The following GXYLT1 variants were observed in gnomAD, a reference collection of about 807,000 sequenced individuals.
GXYLT1 encodes glycosyltransferase 8 domain containing 3.
In GXYLT1, 29 loss-of-function variants were observed where a neutral mutation model predicts 54.0. The observed-to-expected ratio is 0.54, with a 90% CI of 0.40 to 0.73. The LOEUF (loss-of-function observed/expected upper bound fraction) is 0.73. Ranked by LOEUF, GXYLT1 falls within the 30% of genes least tolerant of loss-of-function variation. GXYLT1 has a pLI of 0.00. For missense variants in GXYLT1, 490 were observed against 553.4 expected (o/e 0.89, Z 1.15); for synonymous variants, 176 against 204.1 (o/e 0.86, Z 1.17).
In GXYLT1 at chr12:42,097,620, T is replaced by C. The variant is rs1322321535; in HGVS notation, c.989-6A>G. On this transcript the variant is annotated splice_region_variant and splice_polypyrimidine_tract_variant and intron_variant, in intron 6 of 7. Coordinates refer to ENST00000398675, the MANE Select transcript of GXYLT1 (RefSeq NM_173601.2). ...CGGAAAAACAAAAAGGCTTTCTACA[T>C]AAAGAAAAGACCAAACAATGAAGCA... 1.2e-6 allele frequency: 2 copies of C among 1,602,132 alleles called. No individual in the cohort carries two copies. The highest frequency in any genetic ancestry group is 2.2e-5 in the East Asian group (1 of 44,568).
intron 3 of GXYLT1, among the ~76,000 whole-genome samples, chr12:42,116,160 C>T (rs995640314): frequency 6.6e-6 from 1 of 151,734 alleles, no homozygotes; most frequent in South Asian, 2.1e-4. Flanking sequence ...CATGTTAGAC[C>T]TAAAACCATA....
chr12:42,096,188 T>C (rs2065354714), intron 7 of GXYLT1, among the ~76,000 whole-genome samples: 1 of 152,162 alleles, frequency 6.6e-6, no homozygotes, highest in East Asian at 1.9e-4. Flanking sequence ...TTATACTTCC[T>C]AGCTCTGCCA....
In GXYLT1 at chr12:42,144,752, C is replaced by T; in HGVS notation, c.-106G>A. ...CCGCGGGCGCAACAAGTTCCTCACC[C>T]GCAGCCGCCGCCGCCGCCTTGCGCC... On this transcript the variant is annotated 5_prime_UTR_variant, in exon 1 of 8. Coordinates refer to ENST00000398675, the MANE Select transcript of GXYLT1 (RefSeq NM_173601.2). The T allele has an allele frequency of 1.3e-6, 1 of 793,406 alleles. No individual in the cohort carries two copies. 49.1% of individuals were successfully genotyped at this position (793,406 alleles called of 1,614,324 possible). A position where few individuals can be genotyped will look rare whatever the true frequency, so the allele number is the denominator to read the frequency against.
chr12:42,118,514 C>A (rs2065510445), intron 3 of GXYLT1, among the ~76,000 whole-genome samples: 1 of 152,326 alleles, frequency 6.6e-6, no homozygotes, highest in Non-Finnish European at 1.5e-5. Flanking sequence ...GGAGCACTCC[C>A]CACTTACAAG....
rs1327090119 is a variant in GXYLT1, at chr12:42,122,037, T to C, written c.315-2866A>G. 5.3e-5 allele frequency among the ~76,000 whole-genome samples: 8 copies of C among 152,176 alleles called. No homozygotes were observed. The East Asian group carries it at 5.8e-4, about 11-fold the overall frequency. On this transcript the variant is annotated intron_variant, in intron 2 of 7. Coordinates refer to ENST00000398675, the MANE Select transcript of GXYLT1 (RefSeq NM_173601.2). ...GTCATTCAAATAATGTTGGCCCCAA[T>C]TGAATGGCGGAATCTTGCCAGGGTC...
Position 42,082,203 on chromosome 12 carries a change from C to A in GXYLT1, c.*5583G>T, listed in dbSNP as rs552939919. The stretch of plus-strand genomic sequence containing the variant: ...ATGATTGAGAAAATTGAAATACCTG[C>A]AACCTTTTCCAGTTTGACTTCAGGA... On this transcript the variant is annotated 3_prime_UTR_variant, in exon 8 of 8. Transcript: ENST00000398675. 75 of 152,290 alleles carry A rather than the reference C, an allele frequency of 4.9e-4. 1 individual carries two copies. Among genetic ancestry groups the A allele is most frequent in the African/African-American group, 1.7e-3 (70 of 41,564 alleles). 9.4% of individuals were successfully genotyped at this position (152,290 alleles called of 1,614,324 possible).
rs190424704 is a variant in GXYLT1 at position 42,142,507 on chromosome 12, T to C, written c.221+1919A>G. 4.8e-5 allele frequency among the ~76,000 whole-genome samples: 7 copies of C among 146,694 alleles called. No homozygotes were observed. In the East Asian group the frequency reaches 1.4e-3, roughly 29 times the overall value. ...GTGAAACACCACATTCAGTTAATTT[T>C]TTTTTAATTTTTTTATTTTTTGTAA... is the stretch of plus-strand genomic sequence containing the variant. On this transcript the variant is annotated intron_variant, in intron 1 of 7. Transcript: ENST00000398675.
intron 2 of GXYLT1, among the ~76,000 whole-genome samples, chr12:42,127,364 G>GTAA (rs972276698): frequency 3.3e-5 from 5 of 149,790 alleles, no homozygotes; most frequent in Admixed American, 3.3e-4. Flanking sequence ...TTTTTTAAAT[G>GTAA]TAATAGCATG....
chr12:42,097,811 A>G, intron 6 of GXYLT1, 99 bp downstream of exon 6: 1 of 1,063,624 alleles, frequency 9.4e-7, no homozygotes, highest in Non-Finnish European at 1.4e-6. Context: ...AGCAATAATC[A>G]TTAATATAAG....
At chr12:42,134,169 C>T (rs2065607284) in intron 1 of GXYLT1, among the ~76,000 whole-genome samples, 1 of 151,480 alleles carries the variant, frequency 6.6e-6, no homozygotes, top group African/African-American at 2.4e-5. Context: ...CAATGCACAC[C>T]AGGTCTGGGC....
At chr12:42,119,222 A>G (rs563149540) in intron 2 of GXYLT1, 51 bp from the exon 3 acceptor site, 6 of 1,400,388 alleles carry the variant, frequency 4.3e-6, no homozygotes, top group African/African-American at 1.5e-5. Context: ...TATGTTTACA[A>G]TGTGTACTTT....
chr12:42,143,745 T>C (rs1264799979), intron 1 of GXYLT1, among the ~76,000 whole-genome samples: 1 of 152,228 alleles, frequency 6.6e-6, no homozygotes, highest in Non-Finnish European at 1.5e-5. Context: ...TCCTAAGTCA[T>C]TACGTCGCTT....
At chr12:42,119,338 C>A (rs965540546) in intron 2 of GXYLT1, among the ~76,000 whole-genome samples, 167 bp from the exon 3 acceptor site, 1 of 151,956 alleles carries the variant, frequency 6.6e-6, no homozygotes, top group Admixed American at 6.6e-5. Flanking sequence ...ACCAAGAGTT[C>A]AATGCTGCAG....
At chr12:42,117,969 A>G (rs2065507107) in intron 3 of GXYLT1, among the ~76,000 whole-genome samples, 1 of 152,208 alleles carries the variant, frequency 6.6e-6, no homozygotes, top group Admixed American at 6.5e-5. Context: ...ATATGGGTGC[A>G]ATGGTTGGAG....
chr12:42,137,977 T>C (rs963940956), intron 1 of GXYLT1, among the ~76,000 whole-genome samples: 7 of 152,032 alleles, frequency 4.6e-5, no homozygotes, highest in Non-Finnish European at 1.0e-4. Context: ...TTCAACTAAA[T>C]TGTTTCCAAG....
intron 2 of GXYLT1, among the ~76,000 whole-genome samples, chr12:42,121,755 A>G (rs1349859215): frequency 6.6e-6 from 1 of 151,892 alleles, no homozygotes; most frequent in Non-Finnish European, 1.5e-5. Context: ...CCTTTCACCA[A>G]TTTCTACAGG....
At chr12:42,132,624 C>T (rs897780956) in intron 1 of GXYLT1, among the ~76,000 whole-genome samples, 1 of 152,164 alleles carries the variant, frequency 6.6e-6, no homozygotes, top group African/African-American at 2.4e-5. Context: ...GTTGCTGAAA[C>T]TACTTGATCT....
In GXYLT1 at chr12:42,097,924, AAC is replaced by A. The variant is rs1446289441; in HGVS notation, c.972_973del (p.Phe326SerfsTer2). The A allele has an allele frequency of 6.3e-7, 1 of 1,589,154 alleles. No homozygotes were observed. The highest frequency in any genetic ancestry group is 1.4e-5 in the African/African-American group (1 of 73,998). On this transcript the variant is annotated frameshift_variant, in exon 6 of 8. Transcript: ENST00000398675. LOFTEE classifies it high-confidence loss of function. ...TAAATAATTACCTGGATTATGAAAA[AAC>A]ACGATATTCAATAGATCTTGATCAC... is the stretch of plus-strand genomic sequence containing the variant.
intron 1 of GXYLT1, among the ~76,000 whole-genome samples, chr12:42,139,597 G>C (rs1367530366): frequency 6.6e-6 from 1 of 152,134 alleles, no homozygotes; most frequent in Non-Finnish European, 1.5e-5. Flanking sequence ...CCTTGACTTG[G>C]ATTTCTAGTC....
Sources: gnomAD v4.1 joint callset for allele counts (sites outside exome capture counted in the v4.1 genomes callset) on GRCh38, gnomAD v4.1.1 for gene constraint, MANE v1.5 for transcripts, NCBI Gene and HGNC (gene_info 2026-07-23, HGNC 2026-07-21) for gene names.